The following ATP8A2 variants were observed in gnomAD, a reference collection of about 807,000 sequenced individuals.
ATP8A2 encodes phospholipid-transporting ATPase IB.
In ATP8A2, 100 loss-of-function variants were observed where a neutral mutation model predicts 165.6. The observed-to-expected ratio is 0.60, with a 90% CI of 0.51 to 0.71. The LOEUF (loss-of-function observed/expected upper bound fraction) is 0.71. ATP8A2 is among the 30% of genes least tolerant of loss of function. ATP8A2 has a pLI of 0.00. For synonymous variants in ATP8A2, 543 were observed against 548.8 expected (o/e 0.99, Z 0.15); for missense variants, 1,227 against 1,479.5 (o/e 0.83, Z 2.80).
intron 24 of ATP8A2, among the ~76,000 whole-genome samples, chr13:25,611,561 G>T (rs910586596): frequency 6.6e-6 from 1 of 152,066 alleles, no homozygotes; most frequent in East Asian, 1.9e-4. Context: ...ATTTTGTTAA[G>T]GATGTTTGCA....
At chr13:25,857,702 C>T (rs1313462992) in intron 30 of ATP8A2, among the ~76,000 whole-genome samples, 2 of 151,234 alleles carry the variant, frequency 1.3e-5, no homozygotes, top group African/African-American at 4.9e-5. Context: ...TCCTGAGTAG[C>T]TGGCAATTCA....
chr13:25,410,941 G>A (rs995517652), intron 1 of ATP8A2, among the ~76,000 whole-genome samples: 16 of 152,176 alleles, frequency 1.1e-4, no homozygotes, highest in Middle Eastern at 3.4e-3. Flanking sequence ...CAAAACCTTC[G>A]TATAACCAAT....
chr13:25,791,185 C>T (rs1212541938), intron 27 of ATP8A2, among the ~76,000 whole-genome samples: 1 of 152,116 alleles, frequency 6.6e-6, no homozygotes, highest in East Asian at 1.9e-4. Flanking sequence ...TACATATACA[C>T]CATGGGATAC....
At position 25,372,123 on chromosome 13, in the gene ATP8A2, C is replaced by T; in HGVS notation, c.-90C>T. 2 of 928,634 alleles carry T rather than the reference C, an allele frequency of 2.2e-6. No individual in the cohort carries two copies. The highest frequency in any genetic ancestry group is 2.8e-6 in the Non-Finnish European group (2 of 707,334). 57.5% of individuals were successfully genotyped at this position (928,634 alleles called of 1,614,324 possible). On this transcript the variant is annotated 5_prime_UTR_variant, in exon 1 of 37. Transcript: ENST00000381655. The surrounding 1 kb of genome is among the most constrained non-coding windows in gnomAD (Gnocchi z 4.8). Reference sequence around the variant, plus strand: ...GCAGCCCGGCGAGGCGCTGGCCCACCCATGGTCCTCGGGCGGCGGCCCCTG... The same window carrying T: ...GCAGCCCGGCGAGGCGCTGGCCCACTCATGGTCCTCGGGCGGCGGCCCCTG...
intron 30 of ATP8A2, among the ~76,000 whole-genome samples, chr13:25,849,867 T>A (rs1951963547): frequency 6.6e-6 from 1 of 152,220 alleles, no homozygotes; most frequent in Non-Finnish European, 1.5e-5. Context: ...TCTGTCTCTC[T>A]CATTTTATGA....
chr13:25,859,646 G>T (rs571383412), intron 30 of ATP8A2, among the ~76,000 whole-genome samples: 7 of 152,170 alleles, frequency 4.6e-5, no homozygotes, highest in African/African-American at 1.4e-4. Flanking sequence ...TGGAGTGCTT[G>T]CGTTCCCCCA....
At chr13:25,600,943 T>C (rs1469788926) in intron 24 of ATP8A2, among the ~76,000 whole-genome samples, 6 of 152,210 alleles carry the variant, frequency 3.9e-5, no homozygotes, top group Non-Finnish European at 1.5e-5. Flanking sequence ...ATCGCACGGA[T>C]GTGGTCTATT....
intron 25 of ATP8A2, among the ~76,000 whole-genome samples, chr13:25,742,972 T>C (rs1053833593): frequency 6.6e-6 from 1 of 152,072 alleles, no homozygotes; most frequent in Admixed American, 6.6e-5. Flanking sequence ...GAAAGGTATA[T>C]GGGTGTTATA....
chr13:25,949,566 A>G (rs1955296438), intron 33 of ATP8A2, among the ~76,000 whole-genome samples: 1 of 152,176 alleles, frequency 6.6e-6, no homozygotes, highest in Non-Finnish European at 1.5e-5. Flanking sequence ...TACACAATAT[A>G]AACAATATGC....
At chr13:25,882,202 G>A (rs534071715) in intron 33 of ATP8A2, among the ~76,000 whole-genome samples, 3 of 152,242 alleles carry the variant, frequency 2.0e-5, no homozygotes, top group East Asian at 1.9e-4. Context: ...AGATAATGAC[G>A]GAAAAGATGG....
At chr13:25,609,556 TA>T (rs1165807898) in intron 24 of ATP8A2, among the ~76,000 whole-genome samples, 9 of 147,906 alleles carry the variant, frequency 6.1e-5, no homozygotes, top group African/African-American at 2.0e-4. Context: ...TATATATATA[TA>T]TTTGGATTCA....
At chr13:25,959,643 T>G (rs1159138829) in intron 33 of ATP8A2, among the ~76,000 whole-genome samples, 1 of 152,202 alleles carries the variant, frequency 6.6e-6, no homozygotes, top group Non-Finnish European at 1.5e-5. Flanking sequence ...CTATGAGATG[T>G]TATCACAGAA....
At chr13:25,768,765 C>A (rs1442506411) in intron 25 of ATP8A2, among the ~76,000 whole-genome samples, 2 of 152,154 alleles carry the variant, frequency 1.3e-5, no homozygotes, top group Admixed American at 1.3e-4. Context: ...CACACGTACC[C>A]CCGAGGAGTT....
chr13:25,477,026 T>C (rs1407512003), intron 2 of ATP8A2, among the ~76,000 whole-genome samples: 1 of 152,182 alleles, frequency 6.6e-6, no homozygotes, highest in African/African-American at 2.4e-5. Context: ...TGAGCTTTCT[T>C]GAAGAGTATT....
At chr13:25,384,925 A>G (rs2032985321) in intron 1 of ATP8A2, among the ~76,000 whole-genome samples, 1 of 152,192 alleles carries the variant, frequency 6.6e-6, no homozygotes, top group Middle Eastern at 3.2e-3. Context: ...GCCTTGAGCA[A>G]GTGCAGGGAT....
intron 33 of ATP8A2, among the ~76,000 whole-genome samples, chr13:25,898,318 G>GCAGCGGTGGCTGCAGAA (rs1277894956): frequency 6.6e-6 from 1 of 152,218 alleles, no homozygotes; most frequent in Non-Finnish European, 1.5e-5. Context: ...CTACGTATCA[G>GCAGCGGTGGCTGCAGAA]CAGCGGTGGC....
intron 4 of ATP8A2, among the ~76,000 whole-genome samples, chr13:25,531,533 AC>A (rs2137924315): frequency 6.6e-6 from 1 of 150,376 alleles, no homozygotes; most frequent in South Asian, 2.1e-4. Context: ...CCTTACATAC[AC>A]ACACACCTTG....
intron 25 of ATP8A2, among the ~76,000 whole-genome samples, chr13:25,704,962 G>C (rs528382851): frequency 6.6e-6 from 1 of 152,246 alleles, no homozygotes; most frequent in South Asian, 2.1e-4. Context: ...AGTTTTGCAC[G>C]AAAGTTTTGC....
At chr13:25,689,320 C>T (rs964410075) in intron 24 of ATP8A2, among the ~76,000 whole-genome samples, 3 of 152,124 alleles carry the variant, frequency 2.0e-5, no homozygotes, top group African/African-American at 4.8e-5. Flanking sequence ...TAACATTTGT[C>T]GCTGTAAGCC....
Sources: allele counts gnomAD v4.1 joint callset (sites outside exome capture counted in the v4.1 genomes callset), GRCh38; gene constraint gnomAD v4.1.1; non-coding constraint Gnocchi (gnomAD v3.1); transcripts MANE v1.5; gene names NCBI Gene and HGNC (gene_info 2026-07-23, HGNC 2026-07-21).